JADE1: variants seen among roughly 807,000 people sequenced by gnomAD.
JADE1 encodes the protein protein Jade-1.
A neutral mutation model predicts 81.8 loss-of-function variants in JADE1; 14 were observed. The observed-to-expected ratio is 0.17, with a 90% CI of 0.11 to 0.27. The LOEUF (loss-of-function observed/expected upper bound fraction) is 0.27. Ranked by LOEUF, JADE1 falls within the 10% of genes least tolerant of loss-of-function variation. The probability of loss-of-function intolerance (pLI) is 1.00; values close to 1 mark genes in which losing one functional copy is unlikely to be tolerated. For synonymous variants in JADE1, 353 were observed against 391.9 expected, an observed-to-expected ratio of 0.90 and a Z score of 1.17; for missense variants, 690 against 1,047.9, an observed-to-expected ratio of 0.66 and a Z score of 4.71.
chr4:128,840,263 GAAGA>G (rs1729320165), intron 2 of JADE1, among the ~76,000 whole-genome samples: 1 of 152,200 alleles, frequency 6.6e-6, no homozygotes, highest in Admixed American at 6.5e-5. Context: ...AGATCCTCAG[GAAGA>G]GACAAGAGGG....
Position 128,855,755 on chromosome 4 carries a change from A to G in JADE1, c.822A>G (p.Gly274=). 6.2e-7 allele frequency: 1 copy of G among 1,614,038 alleles called. No homozygotes were observed. The highest frequency in any genetic ancestry group is 8.5e-7 in the Non-Finnish European group (1 of 1,179,938). ...GAGCTATGAAGCCCACCCGTAGCGGAACCAAGTGGGTCCACGTTAGCTGTG... is the reference window on the plus strand; with the variant it reads ...GAGCTATGAAGCCCACCCGTAGCGGGACCAAGTGGGTCCACGTTAGCTGTG... ...KGGAMKPTRS[G]TKWVHVSCAL... Residue 274 remains glycine, a synonymous_variant, in exon 7 of 11, where the codon GGA becomes GGG. Coordinates refer to ENST00000226319, the MANE Select transcript of JADE1 (RefSeq NM_199320.4).
At chr4:128,855,229 G>A (rs1027551714) in intron 6 of JADE1, among the ~76,000 whole-genome samples, 25 of 152,198 alleles carry the variant, frequency 1.6e-4, no homozygotes, top group Admixed American at 1.6e-3. Context: ...CTTCTCTCAC[G>A]GAACCCTGTG....
rs1438021535 is a variant in JADE1 at position 128,826,498 on chromosome 4, C to T, written c.-26-5235C>T. On this transcript the variant is annotated intron_variant, in intron 1 of 10. Transcript: ENST00000226319. ...TCAGCCTCCTGAGTAGCTGGGACTA[C>T]AGGCATGCATCACCACGCCTGGCTA... Among the ~76,000 whole-genome samples the T allele has an allele frequency of 7.2e-5, 11 of 151,738 alleles. No individual in the cohort carries two copies. In the South Asian group the frequency reaches 2.3e-3, roughly 31 times the overall value.
At chr4:128,813,337 A>G (rs1726656271) in intron 1 of JADE1, among the ~76,000 whole-genome samples, 1 of 151,904 alleles carries the variant, frequency 6.6e-6, no homozygotes, top group Non-Finnish European at 1.5e-5. Context: ...CACTCTTAGC[A>G]AGTACATGCA....
chr4:128,831,529 C>G (rs1339910274), intron 1 of JADE1: 2 of 532,398 alleles, frequency 3.8e-6, no homozygotes, highest in Non-Finnish European at 6.7e-6. Context: ...GACTTCTCCA[C>G]CCCTCCCCCT....
intron 1 of JADE1, 145 bp from the exon 2 acceptor site, chr4:128,831,588 G>T: frequency 3.0e-6 from 2 of 657,694 alleles, no homozygotes; most frequent in Non-Finnish European, 2.7e-6. Context: ...ATGTATCTTT[G>T]GTCTTTTTAC....
chr4:128,822,407 A>G (rs893120304), intron 1 of JADE1, among the ~76,000 whole-genome samples: 1 of 152,156 alleles, frequency 6.6e-6, no homozygotes, highest in Non-Finnish European at 1.5e-5. Flanking sequence ...GTAGTACACA[A>G]TCATCGTAAA....
intron 9 of JADE1, chr4:128,864,261 C>A: frequency 2.0e-6 from 1 of 505,136 alleles, no homozygotes. Context: ...GATTCTCCTG[C>A]CTCGGTCTCA....
chr4:128,848,039 G>C (rs1228758519), intron 4 of JADE1, among the ~76,000 whole-genome samples: 1 of 152,142 alleles, frequency 6.6e-6, no homozygotes, highest in Non-Finnish European at 1.5e-5. Context: ...TTAAAGGTCG[G>C]GAGAGATTGT....
intron 1 of JADE1, among the ~76,000 whole-genome samples, chr4:128,828,450 G>T (rs1194564077): frequency 1.3e-5 from 2 of 152,056 alleles, no homozygotes; most frequent in African/African-American, 4.8e-5. Context: ...TTGATGTCAA[G>T]GTTTAAGTAC....
intron 3 of JADE1, among the ~76,000 whole-genome samples, chr4:128,844,791 G>T (rs1008552959): frequency 2.0e-5 from 3 of 152,122 alleles, no homozygotes; most frequent in African/African-American, 7.2e-5. Flanking sequence ...GAAATGAAGA[G>T]TGGCATACTG....
intron 1 of JADE1, among the ~76,000 whole-genome samples, chr4:128,817,843 ACTT>A (rs1259591710): frequency 1.3e-5 from 2 of 152,082 alleles, no homozygotes; most frequent in Non-Finnish European, 2.9e-5. Context: ...AATTCTGGTG[ACTT>A]CTTTTTATGA....
intron 2 of JADE1, among the ~76,000 whole-genome samples, chr4:128,835,443 C>T (rs975638491): frequency 6.6e-6 from 1 of 152,198 alleles, no homozygotes; most frequent in Non-Finnish European, 1.5e-5. Context: ...TTCACAGCCT[C>T]TGCCACCAAC....
chr4:128,845,151 G>T (rs1474434467), intron 3 of JADE1, among the ~76,000 whole-genome samples: 1 of 152,226 alleles, frequency 6.6e-6, no homozygotes, highest in African/African-American at 2.4e-5. Context: ...CAAGGACGAG[G>T]CTTGAGAGGG....
At chr4:128,861,647 TC>T in intron 8 of JADE1, 56 bp from the exon 9 acceptor site, 1 of 1,569,972 alleles carries the variant, frequency 6.4e-7, no homozygotes, top group South Asian at 1.2e-5. Flanking sequence ...CTGCAGGCCT[TC>T]TGCCATCATT....
intron 1 of JADE1, among the ~76,000 whole-genome samples, chr4:128,828,695 C>T (rs912619217): frequency 2.6e-5 from 4 of 152,200 alleles, no homozygotes; most frequent in East Asian, 1.9e-4. Flanking sequence ...CCAATGCTTG[C>T]GTTCTTTATT....
intron 3 of JADE1, among the ~76,000 whole-genome samples, chr4:128,843,344 G>T (rs908534999): frequency 6.6e-6 from 1 of 152,024 alleles, no homozygotes; most frequent in African/African-American, 2.4e-5. Flanking sequence ...TTGCATCTTC[G>T]CTGGCTCCCA....
intron 8 of JADE1, among the ~76,000 whole-genome samples, chr4:128,858,300 T>C (rs1372582862): frequency 6.6e-6 from 1 of 152,144 alleles, no homozygotes; most frequent in Non-Finnish European, 1.5e-5. Flanking sequence ...TATTGACATC[T>C]AGACAGTCAG....
Position 128,849,185 on chromosome 4 carries a change from C to A in JADE1, c.484+18C>A. On this transcript the variant is annotated intron_variant, in intron 5 of 10. Transcript: ENST00000226319. ...GGAGATGGGTGAGAGACCATGTATT[C>A]TATTATTTTATTAACCAATGATGAA... is the stretch of plus-strand genomic sequence containing the variant. 1 of 1,578,096 alleles carries A rather than the reference C, an allele frequency of 6.3e-7. No homozygotes were observed. Among genetic ancestry groups the A allele is most frequent in the South Asian group, 1.1e-5 (1 of 87,742 alleles).
Sources: allele counts gnomAD v4.1 joint callset (sites outside exome capture counted in the v4.1 genomes callset), GRCh38; gene constraint gnomAD v4.1.1; transcripts MANE v1.5; gene names NCBI Gene and HGNC (gene_info 2026-07-23, HGNC 2026-07-21).